The following LRP1B variants were observed in gnomAD, a reference collection of about 807,000 sequenced individuals.
LRP1B encodes the protein low-density lipoprotein receptor-related protein 1B.
Under a neutral mutation model 556.6 loss-of-function variants are expected in LRP1B, and 217 were observed. That is an observed-to-expected ratio of 0.39 (90% CI 0.35 to 0.44). LRP1B has a LOEUF of 0.44. Among genes scored for constraint, LRP1B ranks in the 20% least tolerant of loss-of-function variants. The pLI is 1.00. For missense variants in LRP1B, 5,053 were observed against 5,620.8 expected (o/e 0.90, Z 3.23); for synonymous variants, 2,047 against 1,865.8 (o/e 1.10, Z -2.50).
intron 79 of LRP1B, among the ~76,000 whole-genome samples, chr2:140,331,408 CAATAAT>C (rs1251416810): frequency 6.6e-6 from 1 of 151,830 alleles, no homozygotes; most frequent in Non-Finnish European, 1.5e-5. Flanking sequence ...TGCCCAATAA[CAATAAT>C]AATCAGTGTG....
At chr2:141,479,787 G>C (rs10928105) in intron 3 of LRP1B, among the ~76,000 whole-genome samples, 87,422 of 151,920 alleles carry the variant, frequency 0.58, 25,325 homozygotes, top group Non-Finnish European at 0.59. Flanking sequence ...GAAAGTGCCA[G>C]TAGCATTTAA....
intron 55 of LRP1B, among the ~76,000 whole-genome samples, chr2:140,496,892 A>AATTTATTT (rs141106287): frequency 7.0e-4 from 103 of 147,148 alleles, no homozygotes; most frequent in Middle Eastern, 3.6e-3. Flanking sequence ...ATTTGGATAA[A>AATTTATTT]ATTTATTTAT....
rs74862396 is a variant in LRP1B, at chr2:141,192,241, C to T, written c.851-3658G>A. ...TACATAAATGCATTAGATGGATGAA[C>T]GGATAAATTTGACCAAATTTAATAA... On this transcript the variant is annotated intron_variant, in intron 6 of 90. Coordinates refer to ENST00000389484, the MANE Select transcript of LRP1B (RefSeq NM_018557.3). Among the ~76,000 whole-genome samples the T allele has an allele frequency of 5.0e-3, 765 of 151,860 alleles. 16 individuals are homozygous for T. The highest frequency in any genetic ancestry group is 0.032 in the East Asian group (162 of 5,130).
At chr2:141,758,512 AATAC>A (rs1694405035) in intron 2 of LRP1B, among the ~76,000 whole-genome samples, 1 of 152,128 alleles carries the variant, frequency 6.6e-6, no homozygotes, top group Non-Finnish European at 1.5e-5. Context: ...TATTATGAAT[AATAC>A]ATAAAGAATG....
At chr2:141,543,299 G>A (rs1352931410) in intron 2 of LRP1B, among the ~76,000 whole-genome samples, 1 of 151,494 alleles carries the variant, frequency 6.6e-6, no homozygotes, top group Admixed American at 6.6e-5. Context: ...TTTGAGCCCA[G>A]AAGTTTGAGG....
intron 43 of LRP1B, among the ~76,000 whole-genome samples, chr2:140,578,790 G>A (rs984835954): frequency 1.1e-4 from 17 of 152,040 alleles, no homozygotes; most frequent in African/African-American, 4.1e-4. Flanking sequence ...TCCCTGAGAT[G>A]ATTTTTTCTA....
At chr2:140,676,471 T>G (rs1312201063) in intron 41 of LRP1B, among the ~76,000 whole-genome samples, 1 of 152,176 alleles carries the variant, frequency 6.6e-6, no homozygotes, top group Non-Finnish European at 1.5e-5. Flanking sequence ...TAATTATTGT[T>G]TATTTCCTTC....
At chr2:141,097,310 A>G (rs919150309) in intron 7 of LRP1B, among the ~76,000 whole-genome samples, 2 of 152,174 alleles carry the variant, frequency 1.3e-5, no homozygotes, top group African/African-American at 4.8e-5. Context: ...CTGACAAAAT[A>G]ATAATTTTCA....
At chr2:141,060,337 A>G (rs1699301597) in intron 8 of LRP1B, among the ~76,000 whole-genome samples, 3 of 151,644 alleles carry the variant, frequency 2.0e-5, no homozygotes, top group African/African-American at 7.3e-5. Context: ...GTTTTTTTGT[A>G]TGTACATGTT....
intron 66 of LRP1B, among the ~76,000 whole-genome samples, chr2:140,415,535 T>C (rs1447705633): frequency 2.6e-5 from 4 of 152,170 alleles, no homozygotes; most frequent in Non-Finnish European, 1.5e-5. Flanking sequence ...GTACTGTCTC[T>C]CTTTATTTCT....
At chr2:141,003,725 C>T (rs937427109) in intron 15 of LRP1B, among the ~76,000 whole-genome samples, 4 of 151,942 alleles carry the variant, frequency 2.6e-5, no homozygotes, top group African/African-American at 7.2e-5. Context: ...TTGGGTATGT[C>T]TTTATCAGCA....
At chr2:141,152,142 G>A (rs1221535913) in intron 7 of LRP1B, among the ~76,000 whole-genome samples, 2 of 151,836 alleles carry the variant, frequency 1.3e-5, no homozygotes, top group African/African-American at 4.8e-5. Flanking sequence ...AAGCAGCACA[G>A]TATAGGAGGA....
intron 11 of LRP1B, among the ~76,000 whole-genome samples, chr2:141,025,228 C>T (rs769990809): frequency 1.4e-4 from 21 of 151,958 alleles, no homozygotes; most frequent in Middle Eastern, 3.4e-3. Context: ...CACAACCACA[C>T]CTAAAGCAAT....
At chr2:140,461,069 GAAAA>G (rs1217803995) in intron 60 of LRP1B, among the ~76,000 whole-genome samples, 3 of 72,346 alleles carry the variant, frequency 4.1e-5, no homozygotes, top group Non-Finnish European at 8.8e-5. Flanking sequence ...ACTCAAAAAA[GAAAA>G]AAAAAAAAAA....
chr2:140,898,085 G>T (rs1352862314), intron 23 of LRP1B, among the ~76,000 whole-genome samples: 4 of 152,124 alleles, frequency 2.6e-5, no homozygotes, highest in Non-Finnish European at 5.9e-5. Flanking sequence ...TAACCTGGGG[G>T]AAGCAATGCT....
At chr2:140,925,519 T>C (rs1415328541) in intron 20 of LRP1B, among the ~76,000 whole-genome samples, 1 of 152,150 alleles carries the variant, frequency 6.6e-6, no homozygotes, top group Non-Finnish European at 1.5e-5. Flanking sequence ...ATCTGACTTT[T>C]ATAGCCTGTA....
At chr2:141,843,253 A>G (rs1400752286) in intron 1 of LRP1B, among the ~76,000 whole-genome samples, 1 of 152,182 alleles carries the variant, frequency 6.6e-6, no homozygotes, top group Non-Finnish European at 1.5e-5. Flanking sequence ...ATATTTATAT[A>G]GGACAATGTT....
At chr2:140,980,019 T>C (rs1390747178) in intron 18 of LRP1B, among the ~76,000 whole-genome samples, 1 of 152,084 alleles carries the variant, frequency 6.6e-6, no homozygotes, top group Admixed American at 6.6e-5. Context: ...TAGATTATTA[T>C]ATAAAATTTT....
chr2:141,456,725 C>A (rs868019183), intron 3 of LRP1B, among the ~76,000 whole-genome samples: 1 of 152,134 alleles, frequency 6.6e-6, no homozygotes, highest in Non-Finnish European at 1.5e-5. Context: ...GGTAAGTAAG[C>A]ATTTTTCTGG....
Sources: allele counts gnomAD v4.1 joint callset (sites outside exome capture counted in the v4.1 genomes callset), GRCh38; gene constraint gnomAD v4.1.1; transcripts MANE v1.5; gene names NCBI Gene and HGNC (gene_info 2026-07-23, HGNC 2026-07-21).